LMX1A: variants seen among roughly 807,000 people sequenced by gnomAD.
The protein encoded by LMX1A is LIM homeobox transcription factor 1-alpha.
Under a neutral mutation model 49.1 loss-of-function variants are expected in LMX1A, and 15 were observed. That is an observed-to-expected ratio of 0.31 (90% CI 0.20 to 0.47). The LOEUF is 0.47. Ranked by LOEUF, LMX1A falls within the 20% of genes least tolerant of loss-of-function variation. The pLI, the probability that LMX1A is intolerant of heterozygous loss-of-function variation, is 1.00. For synonymous variants in LMX1A, 167 were observed against 185.7 expected (o/e 0.90, Z 0.82); for missense variants, 372 against 475.8 (o/e 0.78, Z 2.03).
At position 165,213,831 on chromosome 1, in the gene LMX1A, C is replaced by A. The variant is rs762166620; in HGVS notation, c.497-18G>T. 6.2e-7 allele frequency: 1 copy of A among 1,612,658 alleles called. No homozygotes were observed. The highest frequency in any genetic ancestry group is 1.1e-5 in the South Asian group (1 of 90,854). On this transcript the variant is annotated intron_variant, in intron 4 of 8. Coordinates refer to ENST00000342310, the MANE Select transcript of LMX1A (RefSeq NM_177398.4). ...ACTTTTACCTGAAAGAAGCAAAAGA[C>A]AATGTTGTGAGTCCCTGAAAGCCAG...
chr1:165,324,399 C>T (rs1244792903), intron 3 of LMX1A, among the ~76,000 whole-genome samples: 9 of 152,134 alleles, frequency 5.9e-5, no homozygotes, highest in Non-Finnish European at 8.8e-5. Flanking sequence ...ACAGGAGAGC[C>T]TTTGAGTGTC....
chr1:165,280,782 T>G (rs1343517871), intron 3 of LMX1A, among the ~76,000 whole-genome samples: 1 of 152,168 alleles, frequency 6.6e-6, no homozygotes, highest in Non-Finnish European at 1.5e-5. Context: ...CAAACAGTAC[T>G]GAACTTTATT....
chr1:165,312,598 A>C (rs1446249352), intron 3 of LMX1A, among the ~76,000 whole-genome samples: 1 of 152,172 alleles, frequency 6.6e-6, no homozygotes, highest in African/African-American at 2.4e-5. Flanking sequence ...CTATGCTGTA[A>C]GGAAGCCCAA....
At chr1:165,242,248 G>A (rs1024129287) in intron 4 of LMX1A, among the ~76,000 whole-genome samples, 1 of 152,140 alleles carries the variant, frequency 6.6e-6, no homozygotes, top group Non-Finnish European at 1.5e-5. Context: ...ATAAACGGAG[G>A]CTATGGAACT....
chr1:165,353,311 C>CA, intron 2 of LMX1A, 49 bp from the exon 3 acceptor site: 1 of 1,523,588 alleles, frequency 6.6e-7, no homozygotes, highest in Non-Finnish European at 8.9e-7. Flanking sequence ...GCAGGTAGAC[C>CA]ATGCCAAACC....
At chr1:165,215,155 C>CA (rs1651596309) in intron 4 of LMX1A, among the ~76,000 whole-genome samples, 1 of 151,962 alleles carries the variant, frequency 6.6e-6, no homozygotes, top group Non-Finnish European at 1.5e-5. Flanking sequence ...ACTAAAAATA[C>CA]AAAAAATTAG....
At chr1:165,302,315 A>G (rs1283927985) in intron 3 of LMX1A, among the ~76,000 whole-genome samples, 4 of 152,014 alleles carry the variant, frequency 2.6e-5, no homozygotes, top group Non-Finnish European at 5.9e-5. Context: ...GTTGTGGTGC[A>G]TGCGTGTAAT....
At chr1:165,314,337 A>C (rs1029738451) in intron 3 of LMX1A, among the ~76,000 whole-genome samples, 5 of 152,152 alleles carry the variant, frequency 3.3e-5, no homozygotes, top group Admixed American at 1.3e-4. Flanking sequence ...AGATGCTTCA[A>C]AAAGGGCTAA....
chr1:165,271,420 T>TA, intron 3 of LMX1A, among the ~76,000 whole-genome samples: 1 of 152,204 alleles, frequency 6.6e-6, no homozygotes, highest in Non-Finnish European at 1.5e-5. Flanking sequence ...TCAGGTTTAG[T>TA]AAAAATAGTT....
At chr1:165,235,045 G>T (rs1005109966) in intron 4 of LMX1A, among the ~76,000 whole-genome samples, 3 of 152,162 alleles carry the variant, frequency 2.0e-5, no homozygotes, top group Admixed American at 1.3e-4. Flanking sequence ...AGAATGCCAG[G>T]AGGTGTTCAG....
chr1:165,243,301 G>C (rs1371270713), intron 4 of LMX1A, among the ~76,000 whole-genome samples: 1 of 152,210 alleles, frequency 6.6e-6, no homozygotes, highest in African/African-American at 2.4e-5. Context: ...GGGTAGATAA[G>C]TAAGAAATGC....
At chr1:165,261,200 A>G (rs1281825015) in intron 3 of LMX1A, among the ~76,000 whole-genome samples, 1 of 152,142 alleles carries the variant, frequency 6.6e-6, no homozygotes, top group Admixed American at 6.5e-5. Context: ...AGTTTCAATA[A>G]AGTCTGATCC....
In LMX1A at chr1:165,208,115, C is replaced by T; in HGVS notation, c.765G>A (p.Arg255=). 3.7e-6 allele frequency: 6 copies of T among 1,613,992 alleles called. No homozygotes were observed. The highest frequency in any genetic ancestry group is 5.1e-6 in the Non-Finnish European group (6 of 1,179,994). Reference sequence around the variant, plus strand: ...GATCTTGCTGCTGCTGCTGCTGTCGCCTGGCCAGCTTCTTCATCTGATAAG... The same window carrying T: ...GATCTTGCTGCTGCTGCTGCTGTCGTCTGGCCAGCTTCTTCATCTGATAAG... The part of the protein sequence containing the change: ...NQRAKMKKLA[R]RQQQQQQDQQ... Residue 255 remains arginine, a synonymous_variant, in exon 7 of 9, where the codon AGG becomes AGA. Coordinates refer to ENST00000342310, the MANE Select transcript of LMX1A (RefSeq NM_177398.4).
At chr1:165,250,709 A>G (rs941783275) in intron 3 of LMX1A, among the ~76,000 whole-genome samples, 6 of 152,368 alleles carry the variant, frequency 3.9e-5, no homozygotes, top group African/African-American at 9.6e-5. Flanking sequence ...GTTCAGGCTA[A>G]TGGAAGAAAC....
In LMX1A at chr1:165,333,913, G is replaced by C. The variant is rs1351307576; in HGVS notation, c.263+19163C>G. 3.9e-5 allele frequency among the ~76,000 whole-genome samples: 6 copies of C among 152,304 alleles called. 1 individual carries two copies. The East Asian group carries it at 1.2e-3, about 29-fold the overall frequency. ...TCTTAAATATTAATAAGAACTCACA[G>C]CTGTATGGCTTTCTACAGATTTGAA... On this transcript the variant is annotated intron_variant, in intron 3 of 8. Coordinates refer to ENST00000342310, the MANE Select transcript of LMX1A (RefSeq NM_177398.4).
At chr1:165,258,412 G>C (rs1653318256) in intron 3 of LMX1A, among the ~76,000 whole-genome samples, 1 of 152,216 alleles carries the variant, frequency 6.6e-6, no homozygotes, top group African/African-American at 2.4e-5. Flanking sequence ...AAGCAACTGA[G>C]CACATGGTCC....
chr1:165,322,900 CT>C lies in LMX1A; in HGVS notation c.263+30175del, dbSNP rs548910715. Reference sequence around the variant, plus strand: ...CTTCTTCAATTATTCCTATCCCTTTCTTTTCTGACTTTTCCATTCCTTTTTA... The same window carrying C: ...CTTCTTCAATTATTCCTATCCCTTTCTTTCTGACTTTTCCATTCCTTTTTA... On this transcript the variant is annotated intron_variant, in intron 3 of 8. Transcript: ENST00000342310. 9.2e-5 allele frequency among the ~76,000 whole-genome samples: 14 copies of C among 152,326 alleles called. 1 individual carries two copies. The South Asian group carries it at 2.9e-3, about 32-fold the overall frequency.
intron 4 of LMX1A, among the ~76,000 whole-genome samples, chr1:165,229,330 A>G (rs1571162441): frequency 6.6e-6 from 1 of 152,328 alleles, no homozygotes; most frequent in South Asian, 2.1e-4. Context: ...GAAAACCCCA[A>G]GATTCAGGAC....
intron 3 of LMX1A, among the ~76,000 whole-genome samples, chr1:165,319,388 A>T (rs1321225110): frequency 6.6e-6 from 1 of 152,182 alleles, no homozygotes; most frequent in Non-Finnish European, 1.5e-5. Context: ...AAACACTTCT[A>T]TGTTGCTAGT....
Sources: allele counts gnomAD v4.1 joint callset (sites outside exome capture counted in the v4.1 genomes callset), GRCh38; gene constraint gnomAD v4.1.1; transcripts MANE v1.5; gene names NCBI Gene and HGNC (gene_info 2026-07-23, HGNC 2026-07-21).